Variants in MED13L observed in about 807,000 individuals in gnomAD.
MED13L encodes the protein mediator of RNA polymerase II transcription subunit 13-like.
MED13L carries 7 observed loss-of-function variants against 220.9 expected under a neutral mutation model. The observed-to-expected ratio is 0.03, with a 90% CI of 0.02 to 0.06. MED13L has a LOEUF of 0.06. Ranked by LOEUF, MED13L falls within the 10% of genes least tolerant of loss-of-function variation. The probability of loss-of-function intolerance (pLI) is 1.00; values close to 1 mark genes in which losing one functional copy is unlikely to be tolerated. For missense variants in MED13L, 1,965 were observed against 2,760.5 expected, an observed-to-expected ratio of 0.71 and a Z score of 6.46; for synonymous variants, 1,011 against 1,015.2, an observed-to-expected ratio of 1.00 and a Z score of 0.08.
intron 27 of MED13L, among the ~76,000 whole-genome samples, chr12:115,970,246 C>T (rs908147514): frequency 6.6e-6 from 1 of 152,172 alleles, no homozygotes; most frequent in Non-Finnish European, 1.5e-5. Flanking sequence ...AAGGTGCTCT[C>T]TTCATATTGC....
chr12:116,221,668 G>A (rs562344626), intron 2 of MED13L, among the ~76,000 whole-genome samples: 12 of 152,092 alleles, frequency 7.9e-5, no homozygotes, highest in Admixed American at 7.9e-4. Flanking sequence ...AATCAAATGT[G>A]GAAAAGGAAA....
chr12:116,043,434 C>A (rs1881652734), intron 4 of MED13L, among the ~76,000 whole-genome samples: 1 of 152,136 alleles, frequency 6.6e-6, no homozygotes, highest in South Asian at 2.1e-4. Context: ...CTACATGCTG[C>A]CTCCCATTTG....
intron 2 of MED13L, among the ~76,000 whole-genome samples, chr12:116,211,274 T>C (rs1882686948): frequency 6.6e-6 from 1 of 152,174 alleles, no homozygotes; most frequent in African/African-American, 2.4e-5. Context: ...ACCTGAAATG[T>C]GTTCTGACAC....
Position 116,022,616 on chromosome 12 carries a change from A to G in MED13L, c.480-15T>C. The G allele has an allele frequency of 6.2e-7, 1 of 1,609,114 alleles. No individual in the cohort carries two copies. The stretch of plus-strand genomic sequence containing the variant: ...ACAAATGCTCACTACAAAAGAGAGA[A>G]TGAGAAACTCAACTTTATATTTTGG... On this transcript the variant is annotated splice_polypyrimidine_tract_variant and intron_variant, in intron 4 of 30. Coordinates refer to ENST00000281928, the MANE Select transcript of MED13L (RefSeq NM_015335.5).
At chr12:116,258,215 T>C (rs568563007) in intron 1 of MED13L, among the ~76,000 whole-genome samples, 7 of 152,372 alleles carry the variant, frequency 4.6e-5, no homozygotes, top group African/African-American at 1.7e-4. Flanking sequence ...AGTTCAGGCT[T>C]TGAATCAAGA....
intron 3 of MED13L, among the ~76,000 whole-genome samples, chr12:116,099,492 T>C (rs910857972): frequency 2.0e-5 from 3 of 152,194 alleles, no homozygotes; most frequent in African/African-American, 7.2e-5. Context: ...TAAAAAATAT[T>C]CATTTCCTCA....
chr12:116,086,369 C>T (rs12302764), intron 4 of MED13L, among the ~76,000 whole-genome samples: 3,833 of 151,496 alleles, frequency 0.025, 153 homozygotes, highest in African/African-American at 0.088. Context: ...CTGCAACCTC[C>T]GCCTCCCGGG....
intron 2 of MED13L, among the ~76,000 whole-genome samples, chr12:116,192,798 G>C (rs1881365165): frequency 6.6e-6 from 1 of 152,126 alleles, no homozygotes; most frequent in Non-Finnish European, 1.5e-5. Flanking sequence ...ACCAGCCTGG[G>C]CAAGACAGGC....
chr12:116,089,659 C>T (rs1031993645), intron 4 of MED13L, among the ~76,000 whole-genome samples: 5 of 151,958 alleles, frequency 3.3e-5, no homozygotes, highest in African/African-American at 4.8e-5. Context: ...ATTCCCCTCT[C>T]GCCTACACAG....
At chr12:116,135,344 G>T (rs1234002874) in intron 2 of MED13L, among the ~76,000 whole-genome samples, 1 of 152,154 alleles carries the variant, frequency 6.6e-6, no homozygotes, top group African/African-American at 2.4e-5. Flanking sequence ...ACATGGAAAG[G>T]CTACTTGTAG....
intron 2 of MED13L, among the ~76,000 whole-genome samples, chr12:116,210,833 A>G (rs1330543321): frequency 2.6e-5 from 4 of 152,164 alleles, no homozygotes; most frequent in African/African-American, 9.6e-5. Context: ...TAATGAATAA[A>G]GAAACTTCTA....
intron 2 of MED13L, among the ~76,000 whole-genome samples, chr12:116,211,380 C>CA (rs1351945299): frequency 6.6e-6 from 1 of 151,968 alleles, no homozygotes; most frequent in Non-Finnish European, 1.5e-5. Flanking sequence ...ACTTGAGAGT[C>CA]AAAGTCCCTG....
intron 2 of MED13L, among the ~76,000 whole-genome samples, chr12:116,173,730 G>A (rs1424777925): frequency 1.3e-5 from 2 of 152,100 alleles, no homozygotes; most frequent in African/African-American, 2.4e-5. Flanking sequence ...GGAATCAGGA[G>A]CACAAAGGAC....
At chr12:116,188,881 G>T (rs1342092948) in intron 2 of MED13L, among the ~76,000 whole-genome samples, 1 of 152,068 alleles carries the variant, frequency 6.6e-6, no homozygotes, top group Non-Finnish European at 1.5e-5. Context: ...ATTTATCCAG[G>T]TTACTGTATA....
chr12:116,161,275 C>T (rs1004978107), intron 2 of MED13L, among the ~76,000 whole-genome samples: 17 of 152,120 alleles, frequency 1.1e-4, no homozygotes, highest in South Asian at 2.1e-4. Context: ...CATCAGTGGA[C>T]GTGCACTGAC....
At chr12:116,059,752 G>A (rs1042609235) in intron 4 of MED13L, among the ~76,000 whole-genome samples, 2 of 151,812 alleles carry the variant, frequency 1.3e-5, no homozygotes, top group African/African-American at 4.8e-5. Flanking sequence ...AGTATTTTAT[G>A]CTTTTAAATA....
chr12:116,117,119 A>G (rs551229019), intron 2 of MED13L, among the ~76,000 whole-genome samples: 1 of 152,144 alleles, frequency 6.6e-6, no homozygotes, highest in African/African-American at 2.4e-5. Context: ...CTCAGAAATA[A>G]AAAGGAACTT....
intron 4 of MED13L, among the ~76,000 whole-genome samples, chr12:116,073,783 A>G (rs1870571493): frequency 6.6e-6 from 1 of 152,228 alleles, no homozygotes; most frequent in South Asian, 2.1e-4. Context: ...CACCTCTAGT[A>G]GGAGGGATGA....
intron 2 of MED13L, among the ~76,000 whole-genome samples, chr12:116,221,781 C>T (rs1463058742): frequency 6.6e-6 from 1 of 152,102 alleles, no homozygotes; most frequent in African/African-American, 2.4e-5. Context: ...TTTAAAAACA[C>T]TCTGATCAAC....
Sources: allele counts gnomAD v4.1 joint callset (sites outside exome capture counted in the v4.1 genomes callset), GRCh38; gene constraint gnomAD v4.1.1; transcripts MANE v1.5; gene names NCBI Gene and HGNC (gene_info 2026-07-23, HGNC 2026-07-21).